Variants in SH3RF1 observed in about 807,000 individuals in gnomAD.
The protein encoded by SH3RF1 is E3 ubiquitin-protein ligase SH3RF1.
Under a neutral mutation model 74.0 loss-of-function variants are expected in SH3RF1, and 32 were observed. That is an observed-to-expected ratio of 0.43 (90% confidence interval 0.33 to 0.58). The LOEUF (loss-of-function observed/expected upper bound fraction) is 0.58, where lower values mean the gene tolerates loss of function less well. SH3RF1 is among the 20% of genes least tolerant of loss of function. The pLI, the probability that SH3RF1 is intolerant of heterozygous loss-of-function variation, is 0.05. For synonymous variants in SH3RF1, 396 were observed against 439.6 expected (o/e 0.90, Z 1.24); for missense variants, 954 against 1,130.9 (o/e 0.84, Z 2.24).
intron 2 of SH3RF1, among the ~76,000 whole-genome samples, chr4:169,208,767 G>C (rs1392695953): frequency 6.6e-6 from 1 of 152,034 alleles, no homozygotes; most frequent in Non-Finnish European, 1.5e-5. Context: ...TTCAGGTCCA[G>C]CTCCTGGAAA....
chr4:169,264,301 C>T (rs886682704), intron 2 of SH3RF1, among the ~76,000 whole-genome samples: 2 of 152,148 alleles, frequency 1.3e-5, no homozygotes, highest in African/African-American at 4.8e-5. Context: ...TGTCTGCATC[C>T]TCATCTCCTC....
chr4:169,266,307 A>G (rs1731354156), intron 2 of SH3RF1, among the ~76,000 whole-genome samples: 1 of 152,154 alleles, frequency 6.6e-6, no homozygotes, highest in African/African-American at 2.4e-5. Flanking sequence ...CCACGTTATC[A>G]CTTTCAGCTT....
intron 2 of SH3RF1, among the ~76,000 whole-genome samples, chr4:169,182,853 A>C (rs529042837): frequency 6.6e-5 from 10 of 152,230 alleles, no homozygotes; most frequent in African/African-American, 2.4e-4. Context: ...GCTTTCTTCC[A>C]ACCAAAAAAA....
At chr4:169,202,824 T>C (rs957748326) in intron 2 of SH3RF1, among the ~76,000 whole-genome samples, 2 of 152,176 alleles carry the variant, frequency 1.3e-5, no homozygotes, top group Non-Finnish European at 2.9e-5. Context: ...GCTTAATAAA[T>C]TTACCATTAT....
chr4:169,110,197 G>A (rs1172320227), intron 10 of SH3RF1, among the ~76,000 whole-genome samples: 4 of 151,598 alleles, frequency 2.6e-5, no homozygotes, highest in African/African-American at 9.7e-5. Flanking sequence ...AACATAGCAA[G>A]ACCCCATCTC....
In SH3RF1 at chr4:169,197,278, A is replaced by G. The variant is rs1296854933; in HGVS notation, c.394-40599T>C. 1.8e-4 allele frequency among the ~76,000 whole-genome samples: 28 copies of G among 152,252 alleles called. No individual in the cohort carries two copies. In the East Asian group the frequency reaches 4.8e-3, roughly 26 times the overall value. ...CAGCCACCCAAAGTGCTAGGATTATAGACATGAGGCACCACGCCCAGCCAA... is the reference window on the plus strand; with the variant it reads ...CAGCCACCCAAAGTGCTAGGATTATGGACATGAGGCACCACGCCCAGCCAA... On this transcript the variant is annotated intron_variant, in intron 2 of 11. Transcript: ENST00000284637.
intron 6 of SH3RF1, among the ~76,000 whole-genome samples, chr4:169,128,373 C>T (rs75378440): frequency 6.6e-6 from 1 of 152,260 alleles, no homozygotes; most frequent in East Asian, 1.9e-4. Flanking sequence ...TCTTCTCCTT[C>T]GCCAAGCAGC....
At chr4:169,166,875 C>T in intron 2 of SH3RF1, 1 of 287,188 alleles carries the variant, frequency 3.5e-6, no homozygotes, top group South Asian at 5.7e-5. Context: ...TTGGTATCTG[C>T]AATGTAAAAA....
chr4:169,119,408 G>A (rs1006294177), intron 8 of SH3RF1, among the ~76,000 whole-genome samples: 3 of 150,586 alleles, frequency 2.0e-5, no homozygotes, highest in African/African-American at 2.4e-5. Context: ...GATTACAGGC[G>A]TGAGCCACTG....
At chr4:169,259,142 T>C (rs955651567) in intron 2 of SH3RF1, among the ~76,000 whole-genome samples, 2 of 152,174 alleles carry the variant, frequency 1.3e-5, no homozygotes, top group South Asian at 2.1e-4. Flanking sequence ...TGTTCATTCA[T>C]TCCTGAATTG....
chr4:169,201,260 T>A (rs1048842449), intron 2 of SH3RF1, among the ~76,000 whole-genome samples: 20 of 152,204 alleles, frequency 1.3e-4, no homozygotes, highest in Non-Finnish European at 2.9e-4. Flanking sequence ...CTGCCAGAGC[T>A]GGCTTTAACA....
At chr4:169,148,369 G>A (rs1278950218) in intron 4 of SH3RF1, among the ~76,000 whole-genome samples, 1 of 152,136 alleles carries the variant, frequency 6.6e-6, no homozygotes, top group Non-Finnish European at 1.5e-5. Context: ...AGCTACTAGA[G>A]TGTTTATTAG....
At chr4:169,206,263 T>C (rs113543224) in intron 2 of SH3RF1, among the ~76,000 whole-genome samples, 1 of 152,300 alleles carries the variant, frequency 6.6e-6, no homozygotes, top group South Asian at 2.1e-4. Flanking sequence ...ATGCCACACA[T>C]GATTCAATCT....
At chr4:169,155,417 T>C in intron 4 of SH3RF1, 63 bp downstream of exon 4, 2 of 1,285,970 alleles carry the variant, frequency 1.6e-6, no homozygotes, top group Non-Finnish European at 2.2e-6. Flanking sequence ...TCAAATTGCA[T>C]AATTAAGATT....
At chr4:169,159,389 TAGAG>T (rs976721451) in intron 2 of SH3RF1, among the ~76,000 whole-genome samples, 10 of 151,818 alleles carry the variant, frequency 6.6e-5, no homozygotes, top group African/African-American at 2.4e-4. Context: ...GAGAGAGAGA[TAGAG>T]AGAGAGAAAG....
intron 2 of SH3RF1, chr4:169,220,058 G>T (rs1730538539): frequency 6.6e-6 from 1 of 152,130 alleles, no homozygotes; most frequent in Non-Finnish European, 1.5e-5. Context: ...TTGCTGCAAA[G>T]AAATACCAAA....
At chr4:169,222,908 T>C (rs993124059) in intron 2 of SH3RF1, among the ~76,000 whole-genome samples, 2 of 152,166 alleles carry the variant, frequency 1.3e-5, no homozygotes, top group African/African-American at 4.8e-5. Context: ...TGAAGCCAAA[T>C]GGGCGGCTAT....
At chr4:169,231,098 G>T (rs191058010) in intron 2 of SH3RF1, among the ~76,000 whole-genome samples, 2 of 152,126 alleles carry the variant, frequency 1.3e-5, no homozygotes, top group Non-Finnish European at 2.9e-5. Context: ...GAAGGTGGTC[G>T]TAATACTTAC....
At chr4:169,255,093 A>G (rs1731164475) in intron 2 of SH3RF1, among the ~76,000 whole-genome samples, 1 of 152,214 alleles carries the variant, frequency 6.6e-6, no homozygotes, top group Non-Finnish European at 1.5e-5. Flanking sequence ...AGGCACTGGA[A>G]TAAGTTTGTA....
Sources: allele counts gnomAD v4.1 joint callset (sites outside exome capture counted in the v4.1 genomes callset), GRCh38; gene constraint gnomAD v4.1.1; transcripts MANE v1.5; gene names NCBI Gene and HGNC (gene_info 2026-07-23, HGNC 2026-07-21).